Variants in ABHD12 observed in about 807,000 individuals in gnomAD.
The protein encoded by ABHD12 is lysophosphatidylserine lipase ABHD12.
In ABHD12, 43 loss-of-function variants were observed where a neutral mutation model predicts 58.3. The observed-to-expected ratio is 0.74, with a 90% CI of 0.58 to 0.95. The LOEUF is 0.95. Among genes scored for constraint, ABHD12 ranks in the 40% least tolerant of loss-of-function variants. The pLI, the probability that ABHD12 is intolerant of heterozygous loss-of-function variation, is 0.00. For synonymous variants in ABHD12, 219 were observed against 211.2 expected, an observed-to-expected ratio of 1.04 and a Z score of -0.32; for missense variants, 539 against 537.2, an observed-to-expected ratio of 1.00 and a Z score of -0.03.
Position 25,302,288 on chromosome 20 carries a change from G to C in ABHD12, c.1088C>G (p.Pro363Arg). The change falls in exon 12 of 13, where the codon CCC becomes CGC. Residue 363 changes from proline to arginine, a missense_variant. Transcript: ENST00000339157. The part of the protein sequence containing the change: ...SFRDFKVQFV[P>R]FHSDLGYRHK... ...CCTGTAGCCAAGGTCTGAATGAAAGGGCACAAACTGAACTTTGAAATCTCG... is the reference window on the plus strand; with the variant it reads ...CCTGTAGCCAAGGTCTGAATGAAAGCGCACAAACTGAACTTTGAAATCTCG... 1 of 1,613,886 alleles carries C rather than the reference G, an allele frequency of 6.2e-7. No individual in the cohort carries two copies.
chr20:25,315,537 G>C (rs1211238934), intron 5 of ABHD12, among the ~76,000 whole-genome samples: 1 of 150,852 alleles, frequency 6.6e-6, no homozygotes. Context: ...AGAGCAACAT[G>C]GGAGGCTGCC....
intron 2 of ABHD12, among the ~76,000 whole-genome samples, chr20:25,326,110 A>AAAGGG (rs771116858): frequency 7.3e-6 from 1 of 137,142 alleles, no homozygotes; most frequent in Non-Finnish European, 1.6e-5. Context: ...GAAAGAAGTG[A>AAAGGG]AGGGGAGGGG....
chr20:25,314,784 G>A (rs1421887514), intron 6 of ABHD12, 141 bp downstream of exon 6: 1 of 950,678 alleles, frequency 1.1e-6, no homozygotes, highest in African/African-American at 1.6e-5. Context: ...CAGGGTCTTT[G>A]TCAGGACCCA....
intron 1 of ABHD12, chr20:25,368,208 G>C (rs1002048036): frequency 9.3e-5 from 116 of 1,242,762 alleles, no homozygotes; most frequent in Non-Finnish European, 1.3e-4. Context: ...AAATGGGGTG[G>C]AGGGGTGCTC....
chr20:25,390,763 GCTCA>G lies in ABHD12; in HGVS notation c.-64_-61del. 2.4e-5 allele frequency: 15 copies of G among 621,624 alleles called. No individual in the cohort carries two copies. Among genetic ancestry groups the G allele is most frequent in the Admixed American group, 5.2e-5 (1 of 19,270 alleles). 38.5% of individuals were successfully genotyped at this position (621,624 alleles called of 1,614,324 possible). A position where few individuals can be genotyped will look rare whatever the true frequency, so the allele number is the denominator to read the frequency against. ...CGCTGGCCTGCGCCGCAGTGCCGCC[GCTCA>G]CAGCCGCCGCCACCCAGAGCCCGGA... On this transcript the variant is annotated 5_prime_UTR_variant, in exon 1 of 13. Coordinates refer to ENST00000339157, the MANE Select transcript of ABHD12 (RefSeq NM_001042472.3).
chr20:25,356,412 C>T (rs1270090887), intron 1 of ABHD12, among the ~76,000 whole-genome samples: 1 of 152,262 alleles, frequency 6.6e-6, no homozygotes, highest in East Asian at 1.9e-4. Flanking sequence ...GCTGCTCTTG[C>T]ACACTTTCCT....
intron 1 of ABHD12, among the ~76,000 whole-genome samples, chr20:25,356,739 C>T (rs2089673750): frequency 6.6e-6 from 1 of 152,152 alleles, no homozygotes; most frequent in Non-Finnish European, 1.5e-5. Context: ...TCTCCAGAGC[C>T]TCTGACTGTG....
chr20:25,361,778 A>G (rs1350769843), intron 1 of ABHD12, among the ~76,000 whole-genome samples: 1 of 151,596 alleles, frequency 6.6e-6, no homozygotes, highest in Non-Finnish European at 1.5e-5. Flanking sequence ...ACACGGTGAA[A>G]CCTCGTCTCT....
chr20:25,313,276 A>T (rs6050528), intron 6 of ABHD12, among the ~76,000 whole-genome samples: 3,071 of 151,286 alleles, frequency 0.02, 1 homozygote, highest in African/African-American at 0.068. Flanking sequence ...TTGATCTATG[A>T]CCTTACCCCC....
At chr20:25,295,772 T>C (rs1257920498), downstream of ABHD12, 7 of 1,330,612 alleles carry the variant, frequency 5.3e-6, no homozygotes, top group Non-Finnish European at 7.5e-6. Flanking sequence ...ATTCTTGGCC[T>C]GGGCCAGAGG....
intron 1 of ABHD12, among the ~76,000 whole-genome samples, chr20:25,348,668 T>G (rs896202316): frequency 2.0e-5 from 3 of 151,838 alleles, no homozygotes; most frequent in Non-Finnish European, 4.4e-5. Flanking sequence ...ACTCAAATTG[T>G]GCGGAAAAAA....
downstream of ABHD12, among the ~76,000 whole-genome samples, chr20:25,299,981 C>A (rs1376210390): frequency 3.3e-5 from 5 of 152,160 alleles, no homozygotes; most frequent in African/African-American, 1.2e-4. Context: ...GACCTCTGGG[C>A]TCCCTGCCAG....
At chr20:25,307,030 T>C (rs898712031) in intron 9 of ABHD12, 115 bp from the exon 10 acceptor site, 165 of 749,310 alleles carry the variant, frequency 2.2e-4, no homozygotes, top group Non-Finnish European at 1.8e-4. Flanking sequence ...ATAACTACCC[T>C]ACCTAAGGGA....
intron 7 of ABHD12, 46 bp from the exon 8 acceptor site, chr20:25,308,540 T>C (rs144814346): frequency 2.3e-5 from 37 of 1,579,826 alleles, no homozygotes; most frequent in Middle Eastern, 1.7e-4. Flanking sequence ...ATAAAATTGT[T>C]TGAGATGATA....
At chr20:25,338,348 C>A (rs2089406853) in intron 2 of ABHD12, among the ~76,000 whole-genome samples, 1 of 152,194 alleles carries the variant, frequency 6.6e-6, no homozygotes, top group Non-Finnish European at 1.5e-5. Context: ...CAGAGTGACC[C>A]CAGAGCCCCT....
intron 2 of ABHD12, among the ~76,000 whole-genome samples, chr20:25,334,928 T>C (rs1331780234): frequency 6.6e-6 from 1 of 151,634 alleles, no homozygotes; most frequent in Non-Finnish European, 1.5e-5. Flanking sequence ...CCAAAAGCAA[T>C]GGCAACAAAA....
chr20:25,349,289 G>A (rs556769348), intron 1 of ABHD12, among the ~76,000 whole-genome samples: 4 of 152,078 alleles, frequency 2.6e-5, no homozygotes, highest in Non-Finnish European at 5.9e-5. Context: ...GAATCAGGTA[G>A]GAATATAAAA....
intron 6 of ABHD12, among the ~76,000 whole-genome samples, chr20:25,314,244 A>G (rs2088918934): frequency 6.6e-6 from 1 of 152,152 alleles, no homozygotes; most frequent in Non-Finnish European, 1.5e-5. Context: ...AAGTGCTGGG[A>G]TTACAGGTGT....
chr20:25,322,381 A>ATATATATTTTTTTTT, intron 3 of ABHD12, among the ~76,000 whole-genome samples: 7 of 59,268 alleles, frequency 1.2e-4, no homozygotes, highest in East Asian at 9.2e-4. Flanking sequence ...ATATATATAT[A>ATATATATTTTTTTTT]TTTTTTTTTT....
Sources: allele counts gnomAD v4.1 joint callset (sites outside exome capture counted in the v4.1 genomes callset), GRCh38; gene constraint gnomAD v4.1.1; transcripts MANE v1.5; gene names NCBI Gene and HGNC (gene_info 2026-07-23, HGNC 2026-07-21).